Variants in USP54 observed in about 807,000 individuals in gnomAD.
USP54 encodes ubiquitin carboxyl-terminal hydrolase 54.
In USP54, 87 loss-of-function variants were observed where a neutral mutation model predicts 170.5. The ratio of observed to expected loss-of-function variants is 0.51; its 90% confidence interval spans 0.43 to 0.61. The LOEUF (loss-of-function observed/expected upper bound fraction) is 0.61, where lower values mean the gene tolerates loss of function less well. Ranked by LOEUF, USP54 falls within the 20% of genes least tolerant of loss-of-function variation. The pLI, the probability that USP54 is intolerant of heterozygous loss-of-function variation, is 0.00. For synonymous variants in USP54, 655 were observed against 742.8 expected, an observed-to-expected ratio of 0.88 and a Z score of 1.92; for missense variants, 1,786 against 2,047.8, an observed-to-expected ratio of 0.87 and a Z score of 2.47.
upstream of USP54, among the ~76,000 whole-genome samples, chr10:73,595,689 T>C (rs962300340): frequency 6.6e-6 from 1 of 152,230 alleles, no homozygotes; most frequent in South Asian, 2.1e-4. Context: ...ATTATGAACA[T>C]TAACCACCCT....
chr10:73,552,667 T>G (rs1169295932), intron 4 of USP54, among the ~76,000 whole-genome samples: 3 of 152,066 alleles, frequency 2.0e-5, no homozygotes, highest in Non-Finnish European at 4.4e-5. Flanking sequence ...GGCAATCACC[T>G]GTAATCCCAG....
intron 20 of USP54, chr10:73,513,074 TA>T (rs1488804961): frequency 1.3e-5 from 2 of 152,104 alleles, no homozygotes; most frequent in East Asian, 3.8e-4. Flanking sequence ...ATTAGTCTTC[TA>T]AAAGGTTATT....
At chr10:73,519,709 G>C (rs779411528) in intron 19 of USP54, 88 bp downstream of exon 19, 2 of 1,570,866 alleles carry the variant, frequency 1.3e-6, no homozygotes, top group African/African-American at 2.7e-5. Flanking sequence ...CCCTTCAGTC[G>C]CCAAGACAAT....
chr10:73,521,522 G>T (rs940015175), intron 17 of USP54, among the ~76,000 whole-genome samples: 1 of 152,084 alleles, frequency 6.6e-6, no homozygotes, highest in Non-Finnish European at 1.5e-5. Context: ...TTATTCTGTG[G>T]ACAGCCATTC....
At chr10:73,607,301 A>C (rs78668811) in intron 1 of USP54, among the ~76,000 whole-genome samples, 5,172 of 149,286 alleles carry the variant, frequency 0.035, 145 homozygotes, top group South Asian at 0.11. Context: ...TTTCCACAAA[A>C]TCATTCCTAG....
chr10:73,505,673 AC>A (rs2058992013), intron 20 of USP54: 4 of 296,048 alleles, frequency 1.4e-5, no homozygotes, highest in Non-Finnish European at 2.6e-5. Context: ...GATCGAGACC[AC>A]CCTGGCTAAC....
Position 73,523,646 on chromosome 10 carries a change from C to A in USP54, c.2299G>T (p.Ala767Ser), listed in dbSNP as rs777703922. 6.2e-7 allele frequency: 1 copy of A among 1,613,666 alleles called. No homozygotes were observed. The highest frequency in any genetic ancestry group is 1.1e-5 in the South Asian group (1 of 91,028). The change falls in exon 17 of 24, where the codon GCA becomes TCA. Residue 767 changes from alanine to serine, a missense_variant. Around this residue, in one of 3 missense-constraint regions of USP54, gnomAD observed 1,418 missense variants for 1,569.0 expected, o/e 0.90. Coordinates refer to ENST00000687698, the MANE Select transcript of USP54 (RefSeq NM_001391956.1). ...LRRKREKELE[A>S]AKGFNPHPSR... Reference sequence around the variant, plus strand: ...GGATGAGGGTTAAACCCTTTCGCTGCCTCTAACTCCTTCTCCCGTTTTCTT... The same window carrying A: ...GGATGAGGGTTAAACCCTTTCGCTGACTCTAACTCCTTCTCCCGTTTTCTT...
chr10:73,579,726 C>A (rs2076620945), intron 1 of USP54, among the ~76,000 whole-genome samples: 1 of 151,818 alleles, frequency 6.6e-6, no homozygotes, highest in Admixed American at 6.6e-5. Context: ...CACTGCACTC[C>A]AGCCTGGATG....
At position 73,508,561 on chromosome 10, in the gene USP54, C is replaced by T. The variant is rs573242477; in HGVS notation, c.4052-3135G>A. 1.6e-4 allele frequency among the ~76,000 whole-genome samples: 25 copies of T among 152,070 alleles called. No homozygotes were observed. In the South Asian group the frequency reaches 5.2e-3, roughly 32 times the overall value. On this transcript the variant is annotated intron_variant, in intron 20 of 23. Coordinates refer to ENST00000687698, the MANE Select transcript of USP54 (RefSeq NM_001391956.1). ...ATTCGCTGATATGATGTAAGAAATA[C>T]AAAGAACTTCCTATTAAATATTCCT...
At position 73,617,835 on chromosome 10, in the gene USP54, A is replaced by G. The variant is rs528779978; in HGVS notation, c.-18+7732T>C. Among the ~76,000 whole-genome samples, 26 of 150,164 alleles carry G rather than the reference A, an allele frequency of 1.7e-4. 1 individual carries two copies. In the East Asian group the frequency reaches 4.6e-3, roughly 27 times the overall value. ...TGAGGTGAGAGGATTGTTTGAGTCC[A>G]GGAGGCAAAAGCTGCAGTAAGCCGT... On this transcript the variant is annotated intron_variant, in intron 1 of 22. Coordinates refer to the USP54 transcript ENST00000339859.
chr10:73,503,424 T>TA (rs1378508521), intron 22 of USP54, among the ~76,000 whole-genome samples: 4 of 152,220 alleles, frequency 2.6e-5, no homozygotes, highest in Non-Finnish European at 4.4e-5. Flanking sequence ...CCTAGCACAA[T>TA]ACCTAGAACA....
intron 4 of USP54, chr10:73,553,461 G>A (rs1429165965): frequency 6.6e-6 from 1 of 152,164 alleles, no homozygotes; most frequent in African/African-American, 2.4e-5. Flanking sequence ...ACCTCTGTGT[G>A]TCCCTCTCAC....
chr10:73,539,790 T>C (rs1307429240), intron 9 of USP54, among the ~76,000 whole-genome samples, 197 bp from the exon 10 acceptor site: 1 of 152,196 alleles, frequency 6.6e-6, no homozygotes, highest in Non-Finnish European at 1.5e-5. Flanking sequence ...AGAGAATTAC[T>C]TGAGGACAAG....
rs766778057 is a variant in USP54 at position 73,499,084 on chromosome 10, G to C, written c.4600C>G (p.His1534Asp). The change falls in exon 24 of 24, where the codon CAT becomes GAT. Residue 1534 changes from histidine to aspartate, a missense_variant. Physicochemically the swap from His to Asp is moderately conservative, Grantham distance 81. Coordinates refer to ENST00000687698, the MANE Select transcript of USP54 (RefSeq NM_001391956.1). ...CAGGAGTTGTCTGTTCTGGAGCGAT[G>C]GGGGAGGCTCTGGTAGTTCAAAGTC... The part of the protein sequence containing the change: ...GRTLNYQSLP[H>D]RSRTDNSWAP... 3 of 1,614,042 alleles carry C rather than the reference G, an allele frequency of 1.9e-6. No individual in the cohort carries two copies. The South Asian group carries it at 3.3e-5, about 18-fold the overall frequency.
chr10:73,585,871 A>T lies in USP54; in HGVS notation c.-582+5407T>A, dbSNP rs564730778. On this transcript the variant is annotated intron_variant, in intron 1 of 23. Coordinates refer to ENST00000687698, the MANE Select transcript of USP54 (RefSeq NM_001391956.1). ...CCCCGTCTCTACTAAAAATACAAAA[A>T]TTAGCTGGGCGTGGTGGCGCGTGCC... Among the ~76,000 whole-genome samples the T allele has an allele frequency of 8.5e-5, 13 of 152,186 alleles. No individual in the cohort carries two copies. In the East Asian group the frequency reaches 2.1e-3, roughly 25 times the overall value.
Position 73,504,989 on chromosome 10 carries a change from G to C in USP54, c.4172C>G (p.Ala1391Gly). ...HEARTVRTSQATPCRGLSREC... is the reference protein window; with the variant it reads ...HEARTVRTSQGTPCRGLSREC... ...CCTGCTGAGGCCTCGGCAAGGTGTA[G>C]CCTTCAAACACACAGACACATACAG... The change falls in exon 22 of 24, where the codon GCT (alanine) becomes GGT (glycine). Residue 1391 changes from alanine to glycine, a missense_variant and splice_region_variant. Ala to Gly is a moderately conservative substitution (Grantham distance 60). Transcript: ENST00000687698. The C allele has an allele frequency of 6.2e-7, 1 of 1,614,168 alleles. No individual in the cohort carries two copies. Among genetic ancestry groups the C allele is most frequent in the South Asian group, 1.1e-5 (1 of 91,080 alleles).
At chr10:73,549,834 T>C (rs1212634997) in intron 4 of USP54, among the ~76,000 whole-genome samples, 1 of 152,164 alleles carries the variant, frequency 6.6e-6, no homozygotes, top group Admixed American at 6.5e-5. Flanking sequence ...ATTCTTCTGC[T>C]CAAAACTCTC....
chr10:73,598,625 A>C (rs989412576), intron 1 of USP54, among the ~76,000 whole-genome samples: 17 of 151,844 alleles, frequency 1.1e-4, no homozygotes, highest in African/African-American at 3.9e-4. Flanking sequence ...AAAAATACAA[A>C]AATTGGTCAG....
chr10:73,545,531 C>G lies in USP54; in HGVS notation c.375+7G>C. ...CATATCAAAGAGGGCCAGAGGCCAGCACTTACAAAGCACTCTGCAGCATCA... is the reference window on the plus strand; with the variant it reads ...CATATCAAAGAGGGCCAGAGGCCAGGACTTACAAAGCACTCTGCAGCATCA... On this transcript the variant is annotated splice_region_variant and intron_variant, in intron 5 of 23. Transcript: ENST00000687698. The G allele has an allele frequency of 6.2e-7, 1 of 1,613,942 alleles. No homozygotes were observed. The highest frequency in any genetic ancestry group is 2.2e-5 in the East Asian group (1 of 44,872).
Sources: allele counts gnomAD v4.1 joint callset (sites outside exome capture counted in the v4.1 genomes callset), GRCh38; gene constraint gnomAD v4.1.1; regional missense constraint gnomAD v4.1.1; transcripts MANE v1.5; gene names NCBI Gene and HGNC (gene_info 2026-07-23, HGNC 2026-07-21).